Variants in EEF1AKMT3 observed in about 807,000 individuals in gnomAD.
EEF1AKMT3 encodes EEF1A lysine methyltransferase 3.
A neutral mutation model predicts 17.8 loss-of-function variants in EEF1AKMT3; 17 were observed. That is an observed-to-expected ratio of 0.96 (90% CI 0.65 to 1.43). The LOEUF (loss-of-function observed/expected upper bound fraction) is 1.43. Ranked by LOEUF, EEF1AKMT3 falls within the 40% of genes most tolerant of loss-of-function variation. The pLI is 0.00. For missense variants in EEF1AKMT3, 244 were observed against 285.8 expected (o/e 0.85, Z 1.06); for synonymous variants, 116 against 126.5 (o/e 0.92, Z 0.56).
At position 57,772,791 on chromosome 12, in the gene EEF1AKMT3, T is replaced by G. The variant is rs752255080; in HGVS notation, c.67T>G (p.Phe23Val). The G allele has an allele frequency of 1.2e-6, 2 of 1,614,044 alleles. No individual in the cohort carries two copies. The highest frequency in any genetic ancestry group is 2.7e-5 in the African/African-American group (2 of 74,944). ...ESVFPREVGL[F>V]ADSYSEKSQF... Reference sequence around the variant, plus strand: ...GGTGTTCCCGCGGGAGGTCGGGCTCTTTGCAGACTCTTACTCGGAGAAGAG... The same window carrying G: ...GGTGTTCCCGCGGGAGGTCGGGCTCGTTGCAGACTCTTACTCGGAGAAGAG... The change falls in exon 1 of 3, where the codon TTT (phenylalanine) becomes GTT (valine). Residue 23 changes from phenylalanine to valine, a missense_variant. By Grantham distance (50) the Phe-to-Val change is conservative. Transcript: ENST00000300209. This position sits in a 1 kb window ranked among gnomAD's most constrained non-coding sequence, Gnocchi z 4.1.
At chr12:57,776,828 T>G (rs1955483196) in intron 2 of EEF1AKMT3, among the ~76,000 whole-genome samples, 1 of 152,012 alleles carries the variant, frequency 6.6e-6, no homozygotes, top group Non-Finnish European at 1.5e-5. Context: ...TTTTTGTATT[T>G]TTAGTAGAGA....
At chr12:57,778,546 C>T (rs151242045) in intron 2 of EEF1AKMT3, among the ~76,000 whole-genome samples, 4 of 151,984 alleles carry the variant, frequency 2.6e-5, no homozygotes, top group East Asian at 1.9e-4. Flanking sequence ...GCAGTCATCC[C>T]GCATTGGCCT....
At position 57,773,133 on chromosome 12, in the gene EEF1AKMT3, G is replaced by C. The variant is rs751574937; in HGVS notation, c.289+5G>C. On this transcript the variant is annotated splice_donor_5th_base_variant and intron_variant, in intron 2 of 2. Transcript: ENST00000300209. ...GGATCTTGGCAGCGCTGCAGGGTGCGTGAGCTGGCTTTTTACGGGAGAGAG... is the reference window on the plus strand; with the variant it reads ...GGATCTTGGCAGCGCTGCAGGGTGCCTGAGCTGGCTTTTTACGGGAGAGAG... 2 of 1,613,888 alleles carry C rather than the reference G, an allele frequency of 1.2e-6. No individual in the cohort carries two copies. Among genetic ancestry groups the C allele is most frequent in the Admixed American group, 1.7e-5 (1 of 60,028 alleles).
At chr12:57,777,379 C>T (rs940922876) in intron 2 of EEF1AKMT3, among the ~76,000 whole-genome samples, 3 of 152,156 alleles carry the variant, frequency 2.0e-5, no homozygotes, top group African/African-American at 7.2e-5. Context: ...GTGTCTAGTT[C>T]CTCTCCTCCT....
At chr12:57,774,979 C>T (rs886243905) in intron 2 of EEF1AKMT3, among the ~76,000 whole-genome samples, 2 of 151,752 alleles carry the variant, frequency 1.3e-5, no homozygotes, top group Admixed American at 6.6e-5. Context: ...GTGGTGCATG[C>T]CTGTAATCCC....
In EEF1AKMT3 at chr12:57,772,985, G is replaced by T; in HGVS notation, c.178-32G>T. The T allele has an allele frequency of 1.2e-6, 2 of 1,613,980 alleles. No homozygotes were observed. Among genetic ancestry groups the T allele is most frequent in the South Asian group, 2.2e-5 (2 of 90,992 alleles). On this transcript the variant is annotated intron_variant, in intron 1 of 2. Transcript: ENST00000300209. The surrounding 1 kb of genome is among the most constrained non-coding windows in gnomAD (Gnocchi z 4.1). ...CTCTCCCATATGGAGCCATCCTCAC[G>T]ACTGTCTTTTTCTCTGTCTTTTCTC...
chr12:57,773,156 G>A (rs1340309407), intron 2 of EEF1AKMT3, 28 bp downstream of exon 2: 1 of 1,608,176 alleles, frequency 6.2e-7, no homozygotes, highest in Non-Finnish European at 8.5e-7. Flanking sequence ...TTACGGGAGA[G>A]AGTGGGGACC....
In EEF1AKMT3 at chr12:57,772,922, G is replaced by A; in HGVS notation, c.177+21G>A. 1 of 1,613,400 alleles carries A rather than the reference G, an allele frequency of 6.2e-7. No individual in the cohort carries two copies. Among genetic ancestry groups the A allele is most frequent in the Non-Finnish European group, 8.5e-7 (1 of 1,179,528 alleles). On this transcript the variant is annotated intron_variant, in intron 1 of 2. Transcript: ENST00000300209. This position sits in a 1 kb window ranked among gnomAD's most constrained non-coding sequence, Gnocchi z 4.1. ...ACGCGGTGAGGAATGGGCTGCGCCG[G>A]GTGAGGGTCCGTGGGAGGTCCAGAT...
At chr12:57,776,563 A>C (rs1955481466) in intron 2 of EEF1AKMT3, among the ~76,000 whole-genome samples, 1 of 152,152 alleles carries the variant, frequency 6.6e-6, no homozygotes, top group South Asian at 2.1e-4. Flanking sequence ...ACTGTTTCTT[A>C]CCTTCTTATT....
chr12:57,773,248 A>G (rs537983555), intron 2 of EEF1AKMT3, 120 bp downstream of exon 2: 8 of 922,002 alleles, frequency 8.7e-6, no homozygotes, highest in East Asian at 2.6e-5. Flanking sequence ...CCTTCTTTTT[A>G]ACAAATTTTT....
Position 57,781,749 on chromosome 12 carries a change from T to G in EEF1AKMT3, c.*1103T>G, listed in dbSNP as rs559171051. Reference sequence around the variant, plus strand: ...TCCTAATGTGTTTTGCCTTAACCTCTTTTCTCTTCCCACATTGGTACTTCT... The same window carrying G: ...TCCTAATGTGTTTTGCCTTAACCTCGTTTCTCTTCCCACATTGGTACTTCT... On this transcript the variant is annotated 3_prime_UTR_variant, in exon 3 of 3. Transcript: ENST00000300209. 6.6e-6 allele frequency: 1 copy of G among 152,178 alleles called. No individual in the cohort carries two copies. The highest frequency in any genetic ancestry group is 6.5e-5 in the Admixed American group (1 of 15,288). The allele number at this position is 152,178 out of a possible 1,614,324, so 9.4% of individuals were successfully genotyped here.
intron 2 of EEF1AKMT3, among the ~76,000 whole-genome samples, chr12:57,773,394 T>C (rs1383750525): frequency 2.7e-5 from 4 of 150,800 alleles, no homozygotes; most frequent in Non-Finnish European, 4.4e-5. Context: ...TAAGAAGGAG[T>C]TGTTTCTATC....
At position 57,772,620 on chromosome 12, in the gene EEF1AKMT3, T is replaced by G. The variant is rs2291617; in HGVS notation, c.-105T>G. 0.34 allele frequency: 431,141 copies of G among 1,273,888 alleles called. 79,311 individuals carry two copies. Among genetic ancestry groups the G allele is most frequent in the East Asian group, 0.7 (27,334 of 38,990 alleles). The allele number at this position is 1,273,888 out of a possible 1,614,324, so 78.9% of individuals were successfully genotyped here. ...GCAAACTCAGGGAGGCGGGGCTCGT[T>G]CCACAGGGACACCACGACGGCTCGC... On this transcript the variant is annotated 5_prime_UTR_variant, in exon 1 of 3. Transcript: ENST00000300209. The surrounding 1 kb of genome is among the most constrained non-coding windows in gnomAD (Gnocchi z 4.1).
chr12:57,780,252 CAG>C lies in EEF1AKMT3; in HGVS notation c.290-2_290-1del, dbSNP rs1565817960. 2 of 1,610,578 alleles carry C rather than the reference CAG, an allele frequency of 1.2e-6. No homozygotes were observed. Among genetic ancestry groups the C allele is most frequent in the Non-Finnish European group, 1.7e-6 (2 of 1,179,202 alleles). On this transcript the variant is annotated splice_acceptor_variant, in intron 2 of 2. Transcript: ENST00000300209. LOFTEE classifies it high-confidence loss of function. ...TGCATTTTTCCTCCTTCCTCTCTCT[CAG>C]GGGGGGATGTTACCATCACTGACCT...
chr12:57,781,468 C>A lies in EEF1AKMT3; in HGVS notation c.*822C>A, dbSNP rs1462038886. 6.6e-6 allele frequency: 1 copy of A among 152,032 alleles called. No individual in the cohort carries two copies. The highest frequency in any genetic ancestry group is 1.5e-5 in the Non-Finnish European group (1 of 68,036). The allele number at this position is 152,032 out of a possible 1,614,324, so 9.4% of individuals were successfully genotyped here. The stretch of plus-strand genomic sequence containing the variant: ...GAAGAAGCCTCAAACCACCCATTTC[C>A]TGCTTTTTAGAGATAGAGTCTAGTG... On this transcript the variant is annotated 3_prime_UTR_variant, in exon 3 of 3. Coordinates refer to ENST00000300209, the MANE Select transcript of EEF1AKMT3 (RefSeq NM_015433.3).
chr12:57,775,032 G>C (rs1638512807), intron 2 of EEF1AKMT3, among the ~76,000 whole-genome samples: 1 of 150,224 alleles, frequency 6.7e-6, no homozygotes, highest in Non-Finnish European at 1.5e-5. Flanking sequence ...TTGAACCCGG[G>C]AGGCGGAGGT....
At position 57,782,032 on chromosome 12, in the gene EEF1AKMT3, A is replaced by G; in HGVS notation, c.*1386A>G. 1 of 152,236 alleles carries G rather than the reference A, an allele frequency of 6.6e-6. No individual in the cohort carries two copies. Among genetic ancestry groups the G allele is most frequent in the Non-Finnish European group, 1.5e-5 (1 of 68,054 alleles). The allele number at this position is 152,236 out of a possible 1,614,324, so 9.4% of individuals were successfully genotyped here. ...TGTATTGGACCTCTGGCCAAATTAC[A>G]AAAGATGTACTCTTTGTTCTCTAAA... On this transcript the variant is annotated 3_prime_UTR_variant, in exon 3 of 3. Transcript: ENST00000300209.
At chr12:57,776,609 C>G (rs932196735) in intron 2 of EEF1AKMT3, among the ~76,000 whole-genome samples, 1 of 152,082 alleles carries the variant, frequency 6.6e-6, no homozygotes, top group Non-Finnish European at 1.5e-5. Flanking sequence ...GCCATCTTCA[C>G]CCTCACCTGA....
At position 57,781,912 on chromosome 12, in the gene EEF1AKMT3, G is replaced by C. The variant is rs1462080848; in HGVS notation, c.*1266G>C. The C allele has an allele frequency of 6.6e-6, 1 of 152,108 alleles. No homozygotes were observed. The highest frequency in any genetic ancestry group is 2.4e-5 in the African/African-American group (1 of 41,410). The allele number at this position is 152,108 out of a possible 1,614,324, so 9.4% of individuals were successfully genotyped here. On this transcript the variant is annotated 3_prime_UTR_variant, in exon 3 of 3. Transcript: ENST00000300209. ...TAGCTCTGATTAGCTTTCACTTCCT[G>C]TAGAAGCAAGAACAAGCTCCTCTGC...
Sources: allele counts gnomAD v4.1 joint callset (sites outside exome capture counted in the v4.1 genomes callset), GRCh38; gene constraint gnomAD v4.1.1; non-coding constraint Gnocchi (gnomAD v3.1); transcripts MANE v1.5; gene names NCBI Gene and HGNC (gene_info 2026-07-23, HGNC 2026-07-21).